Variants in POU6F2 observed in about 807,000 individuals in gnomAD.
The protein encoded by POU6F2 is POU domain, class 6, transcription factor 2.
Under a neutral mutation model 71.3 loss-of-function variants are expected in POU6F2, and 31 were observed. The ratio of observed to expected loss-of-function variants is 0.43; its 90% confidence interval spans 0.33 to 0.59. The LOEUF is 0.59. POU6F2 is among the 20% of genes least tolerant of loss of function. The probability of loss-of-function intolerance (pLI) is 0.04; values close to 1 mark genes in which losing one functional copy is unlikely to be tolerated. For synonymous variants in POU6F2, 347 were observed against 355.7 expected (o/e 0.98, Z 0.27); for missense variants, 783 against 856.8 (o/e 0.91, Z 1.07).
At chr7:39,063,121 CATT>C (rs996755859) in intron 1 of POU6F2, among the ~76,000 whole-genome samples, 11 of 152,196 alleles carry the variant, frequency 7.2e-5, no homozygotes, top group South Asian at 4.1e-4. Context: ...CAAAAAGAAA[CATT>C]ATTATGAATG....
rs967910850 is a variant in POU6F2 at position 39,085,764 on chromosome 7, G to C, written c.106-96G>C. ...AGAGAGGGAGAGTGTGTGTGGAAGA[G>C]AGAGAGAGAAGAGAGAGGGAGAGGG... On this transcript the variant is annotated intron_variant, in intron 1 of 9. Transcript: ENST00000518318. The C allele has an allele frequency of 3.3e-6, 4 of 1,214,176 alleles. No homozygotes were observed. In the African/African-American group the frequency reaches 4.5e-5, roughly 14 times the overall value. 75.2% of individuals were successfully genotyped at this position (1,214,176 alleles called of 1,614,324 possible). A position where few individuals can be genotyped will look rare whatever the true frequency, so the allele number is the denominator to read the frequency against.
chr7:39,000,905 G>A (rs1788886222), intron 1 of POU6F2, among the ~76,000 whole-genome samples: 1 of 152,104 alleles, frequency 6.6e-6, no homozygotes, highest in African/African-American at 2.4e-5. Context: ...CCTGCCCAGT[G>A]TTGTTTGTTC....
chr7:39,355,599 G>C (rs1012383373), intron 5 of POU6F2, among the ~76,000 whole-genome samples: 1 of 151,952 alleles, frequency 6.6e-6, no homozygotes, highest in Non-Finnish European at 1.5e-5. Flanking sequence ...TATTGCATGT[G>C]ATATGAGCCC....
intron 4 of POU6F2, among the ~76,000 whole-genome samples, chr7:39,333,165 C>T (rs10951601): frequency 0.11 from 17,269 of 152,158 alleles, 1,181 homozygotes; most frequent in Non-Finnish European, 0.15. Context: ...TCCTGCATAG[C>T]TTCTACATTC....
intron 4 of POU6F2, among the ~76,000 whole-genome samples, chr7:39,250,565 G>T (rs1033427652): frequency 2.0e-5 from 3 of 152,146 alleles, no homozygotes; most frequent in Non-Finnish European, 2.9e-5. Context: ...ATCTCTTTAT[G>T]ATAGAAAATG....
chr7:39,276,830 G>C lies in POU6F2; in HGVS notation c.599-62812G>C, dbSNP rs575390274. On this transcript the variant is annotated intron_variant, in intron 4 of 9. Coordinates refer to ENST00000518318, the MANE Select transcript of POU6F2 (RefSeq NM_001370959.1). ...AAAAACCAAACACCGCATGTTCTCA[G>C]TCATAGATGGGAATTGAACAATGAG... Among the ~76,000 whole-genome samples, 63 of 150,142 alleles carry C rather than the reference G, an allele frequency of 4.2e-4. No homozygotes were observed. The East Asian group carries it at 8.5e-3, about 20-fold the overall frequency.
At chr7:39,221,139 G>T (rs1247699094) in intron 4 of POU6F2, among the ~76,000 whole-genome samples, 1 of 151,942 alleles carries the variant, frequency 6.6e-6, no homozygotes, top group Non-Finnish European at 1.5e-5. Flanking sequence ...TTTCTCTTGG[G>T]CAACACAGGC....
At chr7:39,131,853 TG>T (rs1562717721) in intron 2 of POU6F2, among the ~76,000 whole-genome samples, 2 of 150,388 alleles carry the variant, frequency 1.3e-5, no homozygotes, top group African/African-American at 4.9e-5. Flanking sequence ...TTTTTTTTTA[TG>T]TTTTTAAATT....
chr7:39,350,643 A>G (rs1423629891), intron 5 of POU6F2, among the ~76,000 whole-genome samples: 1 of 152,212 alleles, frequency 6.6e-6, no homozygotes, highest in Non-Finnish European at 1.5e-5. Flanking sequence ...CCCTGCATGC[A>G]ATGATCACAT....
chr7:39,269,143 T>A (rs1415330508), intron 4 of POU6F2, among the ~76,000 whole-genome samples: 1 of 152,172 alleles, frequency 6.6e-6, no homozygotes, highest in Non-Finnish European at 1.5e-5. Flanking sequence ...GTTATATTGT[T>A]TCAATTCAGG....
intron 4 of POU6F2, among the ~76,000 whole-genome samples, chr7:39,237,744 A>C (rs1020891114): frequency 1.3e-5 from 2 of 152,180 alleles, no homozygotes; most frequent in Admixed American, 1.3e-4. Context: ...CCGGCCTTGC[A>C]GGGGGCACCC....
At chr7:39,107,039 C>CTTTTTTTTTTTTTTTTTTTT (rs70977458) in intron 2 of POU6F2, among the ~76,000 whole-genome samples, 9 of 130,908 alleles carry the variant, frequency 6.9e-5, no homozygotes, top group Non-Finnish European at 9.8e-5. Context: ...TTCTTTCTTT[C>CTTTTTTTTTTTTTTTTTTTT]TTTTTTTTTT....
intron 1 of POU6F2, among the ~76,000 whole-genome samples, chr7:39,027,917 A>C (rs1214758312): frequency 6.6e-6 from 1 of 152,146 alleles, no homozygotes; most frequent in African/African-American, 2.4e-5. Context: ...GAAAATGCCA[A>C]TTTTTATTTC....
chr7:38,995,165 A>G (rs1788703360), intron 1 of POU6F2, among the ~76,000 whole-genome samples: 1 of 152,228 alleles, frequency 6.6e-6, no homozygotes, highest in Non-Finnish European at 1.5e-5. Context: ...GATCAAAAGT[A>G]CTAAGTTGCT....
At chr7:39,082,582 G>A (rs918644831) in intron 1 of POU6F2, among the ~76,000 whole-genome samples, 12 of 152,100 alleles carry the variant, frequency 7.9e-5, no homozygotes, top group Admixed American at 3.9e-4. Flanking sequence ...ACGACAGAAA[G>A]GATTTCACAG....
intron 1 of POU6F2, among the ~76,000 whole-genome samples, chr7:39,026,349 C>T (rs538947748): frequency 1.3e-5 from 2 of 152,020 alleles, no homozygotes; most frequent in East Asian, 3.9e-4. Context: ...TGGAACCAAC[C>T]CAAATGTCTA....
intron 4 of POU6F2, among the ~76,000 whole-genome samples, chr7:39,244,931 C>A (rs1414324143): frequency 6.6e-6 from 1 of 152,114 alleles, no homozygotes; most frequent in African/African-American, 2.4e-5. Flanking sequence ...GTAACAGCCA[C>A]GAATACTCCA....
intron 1 of POU6F2, among the ~76,000 whole-genome samples, chr7:39,028,502 G>A (rs1227053323): frequency 6.6e-6 from 1 of 152,036 alleles, no homozygotes; most frequent in Non-Finnish European, 1.5e-5. Context: ...GGTAGGACAA[G>A]TAACCTAAAA....
intron 1 of POU6F2, among the ~76,000 whole-genome samples, chr7:39,055,583 A>G (rs948629585): frequency 5.3e-5 from 8 of 152,144 alleles, no homozygotes; most frequent in African/African-American, 9.6e-5. Flanking sequence ...GCAAATAGGA[A>G]TATTTTCTTC....
Sources: gnomAD v4.1 joint callset for allele counts (sites outside exome capture counted in the v4.1 genomes callset) on GRCh38, gnomAD v4.1.1 for gene constraint, MANE v1.5 for transcripts, NCBI Gene and HGNC (gene_info 2026-07-23, HGNC 2026-07-21) for gene names.